Variants in STXBP5 observed in about 807,000 individuals in gnomAD.
The protein encoded by STXBP5 is syntaxin-binding protein 5.
STXBP5 carries 50 observed loss-of-function variants against 152.4 expected under a neutral mutation model. The ratio of observed to expected loss-of-function variants is 0.33; its 90% CI spans 0.26 to 0.42. STXBP5 has a LOEUF of 0.42. STXBP5 is among the 10% of genes least tolerant of loss of function. The probability of loss-of-function intolerance (pLI) is 1.00; values close to 1 mark genes in which losing one functional copy is unlikely to be tolerated. For synonymous variants in STXBP5, 492 were observed against 494.7 expected (o/e 0.99, Z 0.07); for missense variants, 1,167 against 1,388.6 (o/e 0.84, Z 2.54).
In STXBP5 at chr6:147,316,362, G is replaced by T; in HGVS notation, c.1757G>T (p.Ser586Ile). 1 of 1,594,184 alleles carries T rather than the reference G, an allele frequency of 6.3e-7. No individual in the cohort carries two copies. Among genetic ancestry groups the T allele is most frequent in the Non-Finnish European group, 8.5e-7 (1 of 1,173,178 alleles). ...CCTCCTCAGTCTCATCCATCTACCAGTAGCAGTTCATCTGATGGGCTTCGT... is the reference window on the plus strand; with the variant it reads ...CCTCCTCAGTCTCATCCATCTACCATTAGCAGTTCATCTGATGGGCTTCGT... Reference protein sequence around the residue: ...PIPPQSHPSTSSSSSDGLRDN... With the variant: ...PIPPQSHPSTISSSSDGLRDN... Residue 586 changes from serine to isoleucine, a missense_variant, in exon 16 of 28, where the codon AGT (serine) becomes ATT (isoleucine). Transcript: ENST00000321680.
intron 25 of STXBP5, among the ~76,000 whole-genome samples, chr6:147,364,998 A>C (rs1211995825): frequency 6.6e-6 from 1 of 152,208 alleles, no homozygotes; most frequent in East Asian, 1.9e-4. Flanking sequence ...CAGTGACTCT[A>C]AGCATCATCT....
chr6:147,251,771 C>G (rs1779108085), intron 4 of STXBP5, among the ~76,000 whole-genome samples: 1 of 152,188 alleles, frequency 6.6e-6, no homozygotes. Flanking sequence ...CAAGTGGATC[C>G]CTGACCCCCA....
chr6:147,336,883 C>A (rs1374312883), intron 19 of STXBP5, among the ~76,000 whole-genome samples: 1 of 151,924 alleles, frequency 6.6e-6, no homozygotes, highest in Admixed American at 6.6e-5. Flanking sequence ...CCTTTTAAAT[C>A]TCATAATCAA....
intron 18 of STXBP5, among the ~76,000 whole-genome samples, chr6:147,329,144 T>C (rs1783423815): frequency 6.6e-6 from 1 of 151,500 alleles, no homozygotes; most frequent in Non-Finnish European, 1.5e-5. Flanking sequence ...GTAAAATTGC[T>C]AGAAATTAAA....
intron 16 of STXBP5, among the ~76,000 whole-genome samples, chr6:147,321,783 TAAAC>T (rs893210169): frequency 1.3e-5 from 2 of 152,196 alleles, no homozygotes; most frequent in African/African-American, 4.8e-5. Flanking sequence ...CCTTAAAAAG[TAAAC>T]AAATCAACTT....
chr6:147,329,775 G>A (rs1400386512), intron 18 of STXBP5, among the ~76,000 whole-genome samples: 2 of 151,746 alleles, frequency 1.3e-5, no homozygotes, highest in African/African-American at 4.8e-5. Flanking sequence ...ACAGGCGCCC[G>A]CTACCGCACC....
chr6:147,381,721 A>T (rs942637301), intron 26 of STXBP5, among the ~76,000 whole-genome samples: 2 of 152,172 alleles, frequency 1.3e-5, no homozygotes, highest in African/African-American at 4.8e-5. Flanking sequence ...TGAAGTACTG[A>T]TGCATGCTAC....
At chr6:147,351,516 T>C (rs1028221970) in intron 21 of STXBP5, among the ~76,000 whole-genome samples, 8 of 152,210 alleles carry the variant, frequency 5.3e-5, no homozygotes, top group African/African-American at 1.9e-4. Flanking sequence ...TTTGGAGGAC[T>C]GTTTTAGAGA....
chr6:147,339,964 T>G (rs775975114), intron 21 of STXBP5, among the ~76,000 whole-genome samples: 4 of 152,090 alleles, frequency 2.6e-5, no homozygotes, highest in East Asian at 1.9e-4. Context: ...TTCTCAAAGT[T>G]TAAAATTAGG....
chr6:147,330,610 A>G (rs1271692211), intron 18 of STXBP5, among the ~76,000 whole-genome samples: 4 of 152,228 alleles, frequency 2.6e-5, no homozygotes, highest in East Asian at 3.8e-4. Context: ...GAAATGATCA[A>G]TAGAAGTCAG....
intron 2 of STXBP5, among the ~76,000 whole-genome samples, chr6:147,232,619 C>A (rs1778061629): frequency 6.6e-6 from 1 of 151,726 alleles, no homozygotes. Context: ...AATCATTTCT[C>A]TGAGCCTTAG....
chr6:147,373,611 T>C (rs1267517584), intron 25 of STXBP5, 120 bp from the exon 26 acceptor site: 2 of 668,874 alleles, frequency 3.0e-6, no homozygotes, highest in Non-Finnish European at 5.3e-6. Flanking sequence ...TACTCATTAA[T>C]TGTGAATCTC....
At chr6:147,276,258 G>A (rs1780438835) in intron 7 of STXBP5, among the ~76,000 whole-genome samples, 1 of 152,142 alleles carries the variant, frequency 6.6e-6, no homozygotes, top group South Asian at 2.1e-4. Flanking sequence ...ATAGAAAATT[G>A]TATAAGTAAA....
At chr6:147,348,788 C>G (rs987440987) in intron 21 of STXBP5, among the ~76,000 whole-genome samples, 1 of 152,088 alleles carries the variant, frequency 6.6e-6, no homozygotes, top group Non-Finnish European at 1.5e-5. Context: ...CTAACTGATT[C>G]ATAAGTGTTC....
At chr6:147,239,931 T>G (rs1778454047) in intron 4 of STXBP5, among the ~76,000 whole-genome samples, 3 of 152,018 alleles carry the variant, frequency 2.0e-5, no homozygotes, top group African/African-American at 4.8e-5. Context: ...CCCCTATATG[T>G]TTTTGTGGTA....
chr6:147,222,602 A>G (rs553212152), intron 2 of STXBP5, among the ~76,000 whole-genome samples: 94 of 152,296 alleles, frequency 6.2e-4, no homozygotes, highest in Middle Eastern at 3.4e-3. Flanking sequence ...TTCTTCTCTC[A>G]GGTTAGTTGG....
intron 22 of STXBP5, among the ~76,000 whole-genome samples, chr6:147,358,655 A>G (rs1001288542): frequency 6.6e-6 from 1 of 152,246 alleles, no homozygotes; most frequent in African/African-American, 2.4e-5. Flanking sequence ...TAACATAAAC[A>G]GTAGATTAAC....
chr6:147,245,207 A>G (rs1157336628), intron 4 of STXBP5, among the ~76,000 whole-genome samples: 1 of 151,896 alleles, frequency 6.6e-6, no homozygotes, highest in Non-Finnish European at 1.5e-5. Context: ...ATTCTTGGGT[A>G]CTGGGGGGTT....
intron 16 of STXBP5, among the ~76,000 whole-genome samples, chr6:147,316,670 A>G (rs1015101171): frequency 6.6e-6 from 1 of 152,196 alleles, no homozygotes; most frequent in African/African-American, 2.4e-5. Flanking sequence ...TAACCTGTAT[A>G]TATCGCTCAG....
Sources: allele counts gnomAD v4.1 joint callset (sites outside exome capture counted in the v4.1 genomes callset), GRCh38; gene constraint gnomAD v4.1.1; transcripts MANE v1.5; gene names NCBI Gene and HGNC (gene_info 2026-07-23, HGNC 2026-07-21).